Variants in DPP10 observed in about 807,000 individuals in gnomAD.
DPP10 encodes the protein inactive dipeptidyl peptidase 10.
A neutral mutation model predicts 120.9 loss-of-function variants in DPP10; 33 were observed. The ratio of observed to expected loss-of-function variants is 0.27; its 90% confidence interval spans 0.21 to 0.37. DPP10 has a LOEUF of 0.37. Ranked by LOEUF, DPP10 falls within the 10% of genes least tolerant of loss-of-function variation. The pLI is 1.00. For missense variants in DPP10, 816 were observed against 942.8 expected (o/e 0.87, Z 1.76); for synonymous variants, 337 against 326.1 (o/e 1.03, Z -0.36).
intron 3 of DPP10, among the ~76,000 whole-genome samples, chr2:115,494,676 T>G (rs2076300255): frequency 1.3e-5 from 2 of 152,174 alleles, no homozygotes; most frequent in African/African-American, 4.8e-5. Flanking sequence ...GTCATTTCAT[T>G]TTTTCCACAT....
At chr2:115,193,938 C>G (rs557891226) in intron 1 of DPP10, among the ~76,000 whole-genome samples, 16 of 152,106 alleles carry the variant, frequency 1.1e-4, no homozygotes, top group Non-Finnish European at 1.9e-4. Flanking sequence ...AATGTGTGCT[C>G]TCTCTTACGA....
At chr2:114,753,246 CCCT>C in intron 1 of DPP10, among the ~76,000 whole-genome samples, 1 of 152,264 alleles carries the variant, frequency 6.6e-6, no homozygotes, top group East Asian at 1.9e-4. Flanking sequence ...CAATCAATAG[CCCT>C]CCTCCCAAAG....
chr2:114,996,876 G>A (rs919490059), intron 1 of DPP10, among the ~76,000 whole-genome samples: 2 of 151,570 alleles, frequency 1.3e-5, no homozygotes, highest in African/African-American at 4.9e-5. Context: ...CAGCTACTCG[G>A]GAGTCTGAGG....
intron 1 of DPP10, among the ~76,000 whole-genome samples, chr2:114,998,004 G>T (rs966873538): frequency 6.6e-6 from 1 of 152,040 alleles, no homozygotes; most frequent in Non-Finnish European, 1.5e-5. Context: ...GAAAGCAAAG[G>T]TTCCACTGTC....
intron 19 of DPP10, among the ~76,000 whole-genome samples, chr2:115,804,621 C>T (rs1346434447): frequency 2.6e-5 from 4 of 152,094 alleles, no homozygotes; most frequent in Admixed American, 6.5e-5. Context: ...TGTGGATGTC[C>T]TTTCTGTTTG....
chr2:115,235,772 G>T (rs903389999), intron 1 of DPP10, among the ~76,000 whole-genome samples: 3 of 152,136 alleles, frequency 2.0e-5, no homozygotes, highest in Non-Finnish European at 4.4e-5. Flanking sequence ...TGTTAGCCAG[G>T]CTGATCTCGA....
chr2:115,315,098 G>A (rs897717554), intron 2 of DPP10, among the ~76,000 whole-genome samples: 24 of 151,794 alleles, frequency 1.6e-4, no homozygotes, highest in African/African-American at 5.8e-4. Flanking sequence ...CTTGGTATTC[G>A]ACTGACTTGG....
intron 1 of DPP10, among the ~76,000 whole-genome samples, chr2:114,932,008 T>C (rs1696106597): frequency 6.6e-6 from 1 of 152,244 alleles, no homozygotes; most frequent in Non-Finnish European, 1.5e-5. Context: ...TTCATCAGGA[T>C]AGGCTAGTTT....
At position 115,768,281 on chromosome 2, in the gene DPP10, C is replaced by T. The variant is rs1681039816; in HGVS notation, c.1114-16C>T. 3 of 1,610,468 alleles carry T rather than the reference C, an allele frequency of 1.9e-6. No homozygotes were observed. In the African/African-American group the frequency reaches 4.0e-5, roughly 22 times the overall value. On this transcript the variant is annotated splice_polypyrimidine_tract_variant and intron_variant, in intron 12 of 25. Coordinates refer to ENST00000410059, the MANE Select transcript of DPP10 (RefSeq NM_020868.6). ...TGTGCCTTTCTGAGATTGTTCTGTG[C>T]TCTTCTGTATTTTAGAATGAGGAGC...
In DPP10 at chr2:115,844,122, T is replaced by C. The variant is rs574540340; in HGVS notation, c.*1777T>C. ...ATCCATTTTAGGTCTTTTTCAAGAA[T>C]AGTGAACACATTTTTTAACAAAATA... On this transcript the variant is annotated 3_prime_UTR_variant, in exon 26 of 26. Coordinates refer to ENST00000410059, the MANE Select transcript of DPP10 (RefSeq NM_020868.6). 1 of 152,708 alleles carries C rather than the reference T, an allele frequency of 6.5e-6. No homozygotes were observed. Among genetic ancestry groups the C allele is most frequent in the African/African-American group, 2.4e-5 (1 of 41,574 alleles). The allele number at this position is 152,708 out of a possible 1,614,324, so 9.5% of individuals were successfully genotyped here. A position where few individuals can be genotyped will look rare whatever the true frequency, so the allele number is the denominator to read the frequency against.
rs537667657 is a variant in DPP10 at position 115,489,785 on chromosome 2, A to C, written c.272-9725A>C. Among the ~76,000 whole-genome samples the C allele has an allele frequency of 1.4e-4, 22 of 152,136 alleles. 2 individuals carry two copies. The South Asian group carries it at 4.6e-3, about 32-fold the overall frequency. On this transcript the variant is annotated intron_variant, in intron 3 of 25. Coordinates refer to ENST00000410059, the MANE Select transcript of DPP10 (RefSeq NM_020868.6). ...GTAGGGAAAATTTGGATCTGCAGAC[A>C]ATCTCTATTAATGTAACCAGACCTT...
At chr2:115,799,898 T>C (rs2149961566) in intron 19 of DPP10, among the ~76,000 whole-genome samples, 1 of 152,082 alleles carries the variant, frequency 6.6e-6, no homozygotes, top group Admixed American at 6.6e-5. Flanking sequence ...TGAACATACG[T>C]GTGCATGTGT....
At chr2:115,214,077 G>A (rs2056673819) in intron 1 of DPP10, among the ~76,000 whole-genome samples, 1 of 152,172 alleles carries the variant, frequency 6.6e-6, no homozygotes, top group South Asian at 2.1e-4. Flanking sequence ...AGCCTTTCGT[G>A]GGTTGGGGTT....
intron 1 of DPP10, among the ~76,000 whole-genome samples, chr2:114,717,892 T>C (rs936341951): frequency 6.6e-6 from 1 of 152,200 alleles, no homozygotes; most frequent in African/African-American, 2.4e-5. Flanking sequence ...CAAAGAATCT[T>C]ATATACATAT....
chr2:115,802,274 G>A (rs1559173174), intron 19 of DPP10, among the ~76,000 whole-genome samples: 1 of 152,148 alleles, frequency 6.6e-6, no homozygotes, highest in Non-Finnish European at 1.5e-5. Flanking sequence ...GGGATCAGTG[G>A]TGATATCCCC....
intron 5 of DPP10, among the ~76,000 whole-genome samples, chr2:115,552,733 A>G (rs1333228240): frequency 6.6e-6 from 1 of 152,106 alleles, no homozygotes; most frequent in African/African-American, 2.4e-5. Flanking sequence ...AATAAATTAA[A>G]TATTTATTAA....
intron 1 of DPP10, among the ~76,000 whole-genome samples, chr2:115,016,168 C>T (rs925694585): frequency 1.3e-5 from 2 of 152,032 alleles, no homozygotes; most frequent in African/African-American, 2.4e-5. Context: ...ACCAATGGAA[C>T]AGAACAGAAC....
intron 1 of DPP10, among the ~76,000 whole-genome samples, chr2:115,085,243 T>TACAGATACTTTCCCTTCCCTTC (rs1415610573): frequency 6.6e-6 from 1 of 152,220 alleles, no homozygotes; most frequent in African/African-American, 2.4e-5. Context: ...ACCTTTACTT[T>TACAGATACTTTCCCTTCCCTTC]ACAGATCCTT....
At chr2:115,278,467 A>G (rs750666186) in intron 1 of DPP10, among the ~76,000 whole-genome samples, 1 of 152,174 alleles carries the variant, frequency 6.6e-6, no homozygotes, top group Non-Finnish European at 1.5e-5. Flanking sequence ...CTATAAAGGC[A>G]TACATGAGGC....
Sources: allele counts gnomAD v4.1 joint callset (sites outside exome capture counted in the v4.1 genomes callset), GRCh38; gene constraint gnomAD v4.1.1; transcripts MANE v1.5; gene names NCBI Gene and HGNC (gene_info 2026-07-23, HGNC 2026-07-21).